The following PKHD1L1 variants were observed in gnomAD, a reference collection of about 807,000 sequenced individuals.
PKHD1L1 encodes PKHD1 like 1.
A neutral mutation model predicts 462.9 loss-of-function variants in PKHD1L1; 434 were observed. The observed-to-expected ratio is 0.94, with a 90% CI of 0.87 to 1.02. PKHD1L1 has a LOEUF of 1.02. PKHD1L1 is among the 50% of genes least tolerant of loss of function. The probability of loss-of-function intolerance (pLI) is 0.00; values close to 1 mark genes in which losing one functional copy is unlikely to be tolerated. For missense variants in PKHD1L1, 5,202 were observed against 5,096.1 expected, an observed-to-expected ratio of 1.02 and a Z score of -0.63; for synonymous variants, 1,781 against 1,750.0, an observed-to-expected ratio of 1.02 and a Z score of -0.44.
chr8:109,404,809 G>A, intron 15 of PKHD1L1, 96 bp downstream of exon 15: 1 of 1,275,042 alleles, frequency 7.8e-7, no homozygotes, highest in Non-Finnish European at 1.1e-6. Flanking sequence ...TACTGTTTTA[G>A]GTGAAAGCAG....
chr8:109,394,081 G>A (rs572083915), intron 9 of PKHD1L1, among the ~76,000 whole-genome samples: 8 of 150,438 alleles, frequency 5.3e-5, no homozygotes, highest in Admixed American at 3.3e-4. Flanking sequence ...GGCTGAGGCC[G>A]GAGAATCCCT....
At chr8:109,470,307 A>C (rs1817654629) in intron 50 of PKHD1L1, 12 of 1,488,432 alleles carry the variant, frequency 8.1e-6, no homozygotes, top group Non-Finnish European at 1.0e-5. Flanking sequence ...AAACGAGGTC[A>C]TCATCATATT....
chr8:109,432,845 T>C (rs1815188889), intron 27 of PKHD1L1, among the ~76,000 whole-genome samples: 1 of 152,166 alleles, frequency 6.6e-6, no homozygotes. Flanking sequence ...ATGCCATATT[T>C]TCAATCAGAT....
At position 109,535,526 on chromosome 8, in the gene PKHD1L1, T is replaced by C. The variant is rs1011125865; in HGVS notation, c.*5436T>C. Among the ~76,000 whole-genome samples, 9 of 152,182 alleles carry C rather than the reference T, an allele frequency of 5.9e-5. No homozygotes were observed. The highest frequency in any genetic ancestry group is 1.2e-4 in the Non-Finnish European group (8 of 68,022). On this transcript the variant is annotated 3_prime_UTR_variant, in exon 78 of 78. Transcript: ENST00000378402. ...TACAGTATACATAGACCAACTCCTTTAACAAGAATTTCTGGTATGTCTTAA... is the reference window on the plus strand; with the variant it reads ...TACAGTATACATAGACCAACTCCTTCAACAAGAATTTCTGGTATGTCTTAA...
At chr8:109,459,193 A>C (rs1816977150) in intron 46 of PKHD1L1, among the ~76,000 whole-genome samples, 1 of 152,082 alleles carries the variant, frequency 6.6e-6, no homozygotes, top group African/African-American at 2.4e-5. Flanking sequence ...GTCTCTACCT[A>C]CCAGATGCCA....
chr8:109,476,691 A>G, intron 52 of PKHD1L1, 24 bp downstream of exon 52: 1 of 1,565,476 alleles, frequency 6.4e-7, no homozygotes, highest in Non-Finnish European at 8.6e-7. Flanking sequence ...GGCAGAAATG[A>G]TAGTTTATCT....
In PKHD1L1 at chr8:109,464,426, A is replaced by G. The variant is rs763654110; in HGVS notation, c.7594A>G (p.Ile2532Val). The change falls in exon 49 of 78, where the codon ATT (isoleucine) becomes GTT (valine). Residue 2532 changes from isoleucine to valine, a missense_variant. Ile to Val is a conservative substitution (Grantham distance 29). Transcript: ENST00000378402. Reference protein sequence around the residue: ...KGGAFFIEDGIEHGNILQYNL... With the variant: ...KGGAFFIEDGVEHGNILQYNL... The stretch of plus-strand genomic sequence containing the variant: ...AGGAGCATTTTTTATAGAAGATGGT[A>G]TTGAACATGGCAATATCCTCCAGTA... 1 of 1,613,634 alleles carries G rather than the reference A, an allele frequency of 6.2e-7. No homozygotes were observed. Among genetic ancestry groups the G allele is most frequent in the South Asian group, 1.1e-5 (1 of 91,072 alleles).
At position 109,481,453 on chromosome 8, in the gene PKHD1L1, C is replaced by G. The variant is rs368271523; in HGVS notation, c.9348C>G (p.Gly3116=). ...TTCAGGGAGGTAGATTAATCGGTGG[C>G]TGGGAAGATAACCCTTTTAAAGGAG... ...ISLQGGRLIG[G]WEDNPFKGDL... is the part of the protein sequence containing the mutation. Residue 3116 remains glycine (G), a synonymous_variant, in exon 56 of 78, where the codon GGC becomes GGG. Transcript: ENST00000378402. 4.4e-6 allele frequency: 7 copies of G among 1,598,254 alleles called. No individual in the cohort carries two copies. Among genetic ancestry groups the G allele is most frequent in the African/African-American group, 1.3e-5 (1 of 74,330 alleles).
chr8:109,475,468 G>A (rs78447154), intron 51 of PKHD1L1, among the ~76,000 whole-genome samples, 199 bp downstream of exon 51: 3,906 of 152,114 alleles, frequency 0.026, 91 homozygotes, highest in African/African-American at 0.054. Flanking sequence ...TCAGAAGTAA[G>A]CAATCTTTCT....
At position 109,443,007 on chromosome 8, in the gene PKHD1L1, T is replaced by A; in HGVS notation, c.4455T>A (p.Asp1485Glu). 6.2e-7 allele frequency: 1 copy of A among 1,613,732 alleles called. No individual in the cohort carries two copies. Among genetic ancestry groups the A allele is most frequent in the East Asian group, 2.2e-5 (1 of 44,884 alleles). ...GIHYYSSGYV[D>E]EAHSIFLQGV... ...ATTATTATAGCAGCGGGTATGTTGATGAGGCTCACTCCATTTTTCTCCAAG... is the reference window on the plus strand; with the variant it reads ...ATTATTATAGCAGCGGGTATGTTGAAGAGGCTCACTCCATTTTTCTCCAAG... The change falls in exon 36 of 78, where the codon GAT becomes GAA. Residue 1485 changes from aspartate (D) to glutamate (E), a missense_variant. This residue lies in a region of PKHD1L1 where 4,497 missense variants were observed against 4,336.8 expected (regional missense o/e 1.04). Coordinates refer to ENST00000378402, the MANE Select transcript of PKHD1L1 (RefSeq NM_177531.6).
intron 73 of PKHD1L1, among the ~76,000 whole-genome samples, chr8:109,519,313 G>A (rs1486028088): frequency 6.6e-6 from 1 of 152,038 alleles, no homozygotes; most frequent in Non-Finnish European, 1.5e-5. Context: ...CTCAGTTTGG[G>A]CACTTGAGTA....
At chr8:109,383,298 T>G (rs1237415857) in intron 4 of PKHD1L1, among the ~76,000 whole-genome samples, 5 of 103,448 alleles carry the variant, frequency 4.8e-5, no homozygotes, top group Admixed American at 2.8e-4. Context: ...TTATGTATAA[T>G]TATACAATTA....
At chr8:109,521,262 G>A (rs1444849497) in intron 73 of PKHD1L1, among the ~76,000 whole-genome samples, 1 of 152,158 alleles carries the variant, frequency 6.6e-6, no homozygotes, top group Non-Finnish European at 1.5e-5. Flanking sequence ...GAAACTCAGT[G>A]ATTTGATTCC....
intron 41 of PKHD1L1, among the ~76,000 whole-genome samples, chr8:109,451,433 C>T (rs781665570): frequency 2.6e-5 from 4 of 152,098 alleles, no homozygotes; most frequent in Non-Finnish European, 5.9e-5. Flanking sequence ...AGACATCTTG[C>T]CCCCAATCCT....
chr8:109,452,745 G>T lies in PKHD1L1; in HGVS notation c.6535G>T (p.Ala2179Ser). 1.3e-6 allele frequency: 2 copies of T among 1,541,160 alleles called. No individual in the cohort carries two copies. Among genetic ancestry groups the T allele is most frequent in the Middle Eastern group, 1.7e-4 (1 of 5,944 alleles). The change falls in exon 43 of 78, where the codon GCC becomes TCC. Residue 2179 changes from alanine (A) to serine (S), a missense_variant. By Grantham distance (99) the Ala-to-Ser change is moderately conservative. Transcript: ENST00000378402. ...TAATGCTGACTTTCTTTATGTTGAT[G>T]CCTGGTCCTCCAATTTCTCATGGGG... ...LDNADFLYVD[A>S]WSSNFSWGGK...
rs1406989793 is a variant in PKHD1L1, at chr8:109,464,335, A to G, written c.7503A>G (p.Arg2501=). The change falls in exon 49 of 78, where the codon AGA becomes AGG. Residue 2501 remains arginine, a synonymous_variant. Coordinates refer to ENST00000378402, the MANE Select transcript of PKHD1L1 (RefSeq NM_177531.6). ...GTGCAATTCACCAGGCCTATAACAG[A>G]GCTGTTACTATTCATAACACACACC... ...RGCAIHQAYN[R]AVTIHNTHHL... is the part of the protein sequence containing the mutation. The G allele has an allele frequency of 6.2e-7, 1 of 1,613,404 alleles. No homozygotes were observed. The highest frequency in any genetic ancestry group is 8.5e-7 in the Non-Finnish European group (1 of 1,179,588).
chr8:109,417,965 C>A (rs1814270914), intron 21 of PKHD1L1, among the ~76,000 whole-genome samples: 1 of 152,134 alleles, frequency 6.6e-6, no homozygotes, highest in African/African-American at 2.4e-5. Flanking sequence ...GTGCCATTTC[C>A]CATCCCCCAA....
At chr8:109,405,661 G>A (rs1364585152) in intron 16 of PKHD1L1, among the ~76,000 whole-genome samples, 1 of 151,770 alleles carries the variant, frequency 6.6e-6, no homozygotes, top group Non-Finnish European at 1.5e-5. Flanking sequence ...CACAGGGAGG[G>A]GAACAACACA....
rs1378887043 is a variant in PKHD1L1 at position 109,388,504 on chromosome 8, A to G, written c.577A>G (p.Ile193Val). The G allele has an allele frequency of 6.6e-7, 1 of 1,511,866 alleles. No individual in the cohort carries two copies. The highest frequency in any genetic ancestry group is 9.0e-7 in the Non-Finnish European group (1 of 1,112,590). 93.7% of individuals were successfully genotyped at this position (1,511,866 alleles called of 1,614,324 possible). The change falls in exon 7 of 78, where the codon ATT (isoleucine) becomes GTT (valine). Residue 193 changes from isoleucine (I) to valine (V), a missense_variant. Transcript: ENST00000378402. ...GKNVRILRVY[I>V]GGMPCELLIP... ...ATAAAAATATTTGTACAGAGTTTAC[A>G]TTGGAGGAATGCCCTGTGAGCTTCT...
Sources: gnomAD v4.1 joint callset for allele counts (sites outside exome capture counted in the v4.1 genomes callset) on GRCh38, gnomAD v4.1.1 for gene constraint, gnomAD v4.1.1 regional missense constraint, MANE v1.5 for transcripts, NCBI Gene and HGNC (gene_info 2026-07-23, HGNC 2026-07-21) for gene names.